MGMT: variants seen among roughly 807,000 people sequenced by gnomAD.
The protein encoded by MGMT is O-6-methylguanine-DNA methyltransferase.
In MGMT, 14 loss-of-function variants were observed where a neutral mutation model predicts 15.9. The ratio of observed to expected loss-of-function variants is 0.88; its 90% CI spans 0.58 to 1.37. MGMT has a LOEUF of 1.37. Ranked by LOEUF, MGMT falls within the 40% of genes most tolerant of loss-of-function variation. The pLI, the probability that MGMT is intolerant of heterozygous loss-of-function variation, is 0.00. For missense variants in MGMT, 282 were observed against 268.1 expected, an observed-to-expected ratio of 1.05 and a Z score of -0.36; for synonymous variants, 130 against 118.2, an observed-to-expected ratio of 1.10 and a Z score of -0.65.
intron 2 of MGMT, among the ~76,000 whole-genome samples, chr10:129,661,396 TCAG>T (rs1847596160): frequency 6.6e-6 from 1 of 152,174 alleles, no homozygotes; most frequent in African/African-American, 2.4e-5. Flanking sequence ...ACTCATACTC[TCAG>T]CAGTAATAAA....
rs576670769 is a variant in MGMT at position 129,697,443 on chromosome 10, G to C, written c.126-10452G>C. Among the ~76,000 whole-genome samples, 3 of 152,156 alleles carry C rather than the reference G, an allele frequency of 2.0e-5. No homozygotes were observed. The East Asian group carries it at 5.8e-4, about 29-fold the overall frequency. ...AGGCTTTCATTCCATTCCTGGGTCT[G>C]TCCCTTATGCGTTTGGTAAGTTGTT... On this transcript the variant is annotated intron_variant, in intron 2 of 4. Transcript: ENST00000651593.
chr10:129,739,246 A>G (rs543551764), intron 3 of MGMT, among the ~76,000 whole-genome samples: 24 of 152,322 alleles, frequency 1.6e-4, no homozygotes, highest in Admixed American at 1.0e-3. Flanking sequence ...TCGGCACAAG[A>G]CAAGGATGCA....
At chr10:129,691,041 A>G (rs1027359034) in intron 2 of MGMT, among the ~76,000 whole-genome samples, 1 of 152,214 alleles carries the variant, frequency 6.6e-6, no homozygotes, top group South Asian at 2.1e-4. Flanking sequence ...ACAAAAGGGA[A>G]TGGAAATAAG....
chr10:129,558,178 T>C (rs1349323256), intron 2 of MGMT, among the ~76,000 whole-genome samples: 2 of 152,132 alleles, frequency 1.3e-5, no homozygotes, highest in East Asian at 3.9e-4. Context: ...TTTTTAAAAT[T>C]GAGAGCTCAT....
chr10:129,521,601 GCT>G (rs1280554529), intron 1 of MGMT, among the ~76,000 whole-genome samples: 6 of 152,182 alleles, frequency 3.9e-5, no homozygotes, highest in Admixed American at 2.6e-4. Context: ...AGGAGTCCAG[GCT>G]CTCTCCCAGG....
chr10:129,672,829 T>C (rs1281206891), intron 2 of MGMT, among the ~76,000 whole-genome samples: 11 of 152,202 alleles, frequency 7.2e-5, no homozygotes, highest in Non-Finnish European at 1.5e-4. Context: ...GTTCATATTG[T>C]CTTATCTCCT....
intron 2 of MGMT, among the ~76,000 whole-genome samples, chr10:129,648,386 C>T (rs181161319): frequency 2.4e-3 from 368 of 152,088 alleles, no homozygotes; most frequent in Non-Finnish European, 3.6e-3. Context: ...TTAATTCCTC[C>T]GAGACACCAT....
intron 2 of MGMT, among the ~76,000 whole-genome samples, chr10:129,604,052 C>CTA (rs1448456020): frequency 2.0e-5 from 3 of 152,132 alleles, no homozygotes; most frequent in African/African-American, 7.2e-5. Flanking sequence ...AAAGTCAGTG[C>CTA]TATACATTTG....
chr10:129,604,749 C>T (rs1313797934), intron 2 of MGMT, among the ~76,000 whole-genome samples: 9 of 145,810 alleles, frequency 6.2e-5, no homozygotes, highest in Non-Finnish European at 9.1e-5. Flanking sequence ...CCCCTCCCCC[C>T]GGCTTTCAGG....
intron 2 of MGMT, among the ~76,000 whole-genome samples, chr10:129,550,157 C>T (rs970569583): frequency 2.0e-5 from 3 of 152,156 alleles, no homozygotes; most frequent in East Asian, 3.9e-4. Context: ...TACAGTTGAG[C>T]GACATTAGTT....
chr10:129,617,749 A>G (rs995308353), intron 2 of MGMT, among the ~76,000 whole-genome samples: 2 of 151,628 alleles, frequency 1.3e-5, no homozygotes, highest in Non-Finnish European at 2.9e-5. Flanking sequence ...GTGTTTGTTC[A>G]TGTCCTTTGC....
chr10:129,653,313 T>C (rs559657378), intron 2 of MGMT, among the ~76,000 whole-genome samples: 1 of 152,358 alleles, frequency 6.6e-6, no homozygotes, highest in African/African-American at 2.4e-5. Flanking sequence ...TAAGTCTCTG[T>C]CCTTTTGTAT....
chr10:129,766,741 C>T (rs752411854), intron 4 of MGMT, 47 bp from the exon 5 acceptor site: 28 of 1,551,134 alleles, frequency 1.8e-5, no homozygotes, highest in South Asian at 8.3e-5. Context: ...CCAAAGACCT[C>T]GTTGTCCAGA....
chr10:129,646,114 G>A (rs558195979), intron 2 of MGMT, among the ~76,000 whole-genome samples: 33 of 152,300 alleles, frequency 2.2e-4, no homozygotes, highest in Admixed American at 1.5e-3. Flanking sequence ...CAGACACTGC[G>A]TTTGACTAAT....
At chr10:129,615,224 T>G (rs961902214) in intron 2 of MGMT, among the ~76,000 whole-genome samples, 1 of 152,176 alleles carries the variant, frequency 6.6e-6, no homozygotes, top group Non-Finnish European at 1.5e-5. Context: ...TGTTTTGATT[T>G]TAATTGTCAA....
chr10:129,726,681 G>T (rs1848438100), intron 3 of MGMT, among the ~76,000 whole-genome samples: 1 of 152,298 alleles, frequency 6.6e-6, no homozygotes, highest in South Asian at 2.1e-4. Context: ...TTAAATATCA[G>T]TCATTTTCAG....
At chr10:129,573,742 G>C (rs1846446444) in intron 2 of MGMT, among the ~76,000 whole-genome samples, 1 of 152,148 alleles carries the variant, frequency 6.6e-6, no homozygotes, top group Non-Finnish European at 1.5e-5. Context: ...CAACAAAAAA[G>C]TGCCTGCTGA....
intron 3 of MGMT, among the ~76,000 whole-genome samples, chr10:129,733,591 T>C (rs935584069): frequency 1.1e-4 from 17 of 152,004 alleles, no homozygotes; most frequent in Non-Finnish European, 2.1e-4. Context: ...ATTTTGTCTT[T>C]TGTTGCCATT....
intron 2 of MGMT, among the ~76,000 whole-genome samples, chr10:129,703,374 A>C (rs901233592): frequency 1.3e-5 from 2 of 152,124 alleles, no homozygotes; most frequent in Non-Finnish European, 2.9e-5. Flanking sequence ...CTTGGTGTGC[A>C]CCCCGTTTTG....
Sources: allele counts gnomAD v4.1 joint callset (sites outside exome capture counted in the v4.1 genomes callset), GRCh38; gene constraint gnomAD v4.1.1; transcripts MANE v1.5; gene names NCBI Gene and HGNC (gene_info 2026-07-23, HGNC 2026-07-21).